The following GON4L variants were observed in gnomAD, a reference collection of about 807,000 sequenced individuals.
GON4L encodes the protein gon-4 like.
GON4L carries 87 observed loss-of-function variants against 211.8 expected under a neutral mutation model. The observed-to-expected ratio is 0.41, with a 90% CI of 0.35 to 0.49. The LOEUF (loss-of-function observed/expected upper bound fraction) is 0.49. Among genes scored for constraint, GON4L ranks in the 20% least tolerant of loss-of-function variants. GON4L has a pLI of 0.15. For missense variants in GON4L, 2,155 were observed against 2,659.5 expected (o/e 0.81, Z 4.17); for synonymous variants, 875 against 962.6 (o/e 0.91, Z 1.68).
chr1:155,753,797 A>G (rs950516729), intron 28 of GON4L, among the ~76,000 whole-genome samples: 1 of 152,038 alleles, frequency 6.6e-6, no homozygotes, highest in Admixed American at 6.5e-5. Context: ...CTATAGCCTC[A>G]GACTCCTGGG....
At chr1:155,801,293 G>A (rs1051842226) in intron 11 of GON4L, among the ~76,000 whole-genome samples, 3 of 151,988 alleles carry the variant, frequency 2.0e-5, no homozygotes, top group Non-Finnish European at 4.4e-5. Context: ...AGGCTGCATA[G>A]TTTTCATCAG....
chr1:155,811,725 C>T (rs1391476562), intron 10 of GON4L, among the ~76,000 whole-genome samples: 2 of 114,362 alleles, frequency 1.7e-5, no homozygotes, highest in Admixed American at 2.6e-4. Context: ...CACTGCACTC[C>T]AGCCTGGGAG....
At chr1:155,809,025 T>G (rs1470488410) in intron 10 of GON4L, among the ~76,000 whole-genome samples, 1 of 152,090 alleles carries the variant, frequency 6.6e-6, no homozygotes, top group African/African-American at 2.4e-5. Context: ...TCAATCCTCC[T>G]GCTTCAGCCA....
chr1:155,845,853 C>G (rs1886618), intron 2 of GON4L: 235,693 of 246,068 alleles, frequency 0.96, 113,793 homozygotes, highest in East Asian at 1. Flanking sequence ...AGTGAAACTG[C>G]AGCAGAGGAA....
intron 2 of GON4L, among the ~76,000 whole-genome samples, chr1:155,828,038 G>A (rs138797921): frequency 1.3e-5 from 2 of 151,980 alleles, no homozygotes; most frequent in East Asian, 3.9e-4. Context: ...CACACCTGTG[G>A]TCCCAGCTAC....
At chr1:155,826,320 T>G (rs985496100) in intron 3 of GON4L, among the ~76,000 whole-genome samples, 2 of 152,008 alleles carry the variant, frequency 1.3e-5, no homozygotes, top group Non-Finnish European at 2.9e-5. Context: ...ATCCCAGCAC[T>G]TTGTGAAGCC....
chr1:155,804,934 C>A lies in GON4L; in HGVS notation c.1645+15G>T, dbSNP rs1225443454. 2 of 1,605,548 alleles carry A rather than the reference C, an allele frequency of 1.2e-6. No homozygotes were observed. The highest frequency in any genetic ancestry group is 1.7e-6 in the Non-Finnish European group (2 of 1,172,346). On this transcript the variant is annotated intron_variant, in intron 11 of 31. Transcript: ENST00000368331. ...AATGGACAGTATACATAATAAATCA[C>A]AAACCAAAACTTACCTTCATTCCCC...
At chr1:155,803,500 C>G (rs1370836461) in intron 11 of GON4L, among the ~76,000 whole-genome samples, 1 of 152,206 alleles carries the variant, frequency 6.6e-6, no homozygotes, top group Non-Finnish European at 1.5e-5. Flanking sequence ...GCCTCGGCCT[C>G]CCAAAGAGCT....
chr1:155,822,138 A>G (rs1016660935), intron 4 of GON4L, 148 bp downstream of exon 4: 1 of 727,468 alleles, frequency 1.4e-6, no homozygotes, highest in Non-Finnish European at 2.5e-6. Flanking sequence ...AGCTATCTTA[A>G]ATATGTAAAA....
intron 15 of GON4L, 74 bp downstream of exon 15, chr1:155,777,548 C>T (rs1455827106): frequency 2.6e-6 from 3 of 1,144,490 alleles, no homozygotes; most frequent in Non-Finnish European, 4.0e-6. Flanking sequence ...CACTGCACTC[C>T]AGGCTGGGAG....
In GON4L at chr1:155,777,812, T is replaced by A. The variant is rs1663983391; in HGVS notation, c.1901A>T (p.Glu634Val). 1 of 1,606,356 alleles carries A rather than the reference T, an allele frequency of 6.2e-7. No homozygotes were observed. Among genetic ancestry groups the A allele is most frequent in the Non-Finnish European group, 8.5e-7 (1 of 1,173,348 alleles). ...FNTPQALRFE[E>V]PLANLLNEQH... ...TTCATTTAACAGGTTGGCCAGTGGT[T>A]CCTCAAACCTATTCCCAACAGGGAG... Residue 634 changes from glutamate (E) to valine (V), a missense_variant, in exon 15 of 32, where the codon GAA becomes GTA. Physicochemically the swap from Glu to Val is moderately radical, Grantham distance 121 (BLOSUM62 -2). Around this residue, in one of 6 missense-constraint regions of GON4L, gnomAD observed 551 missense variants for 854.0 expected, o/e 0.65. Transcript: ENST00000368331.
chr1:155,772,740 C>T lies in GON4L; in HGVS notation c.2495+326G>A, dbSNP rs1349290760. On this transcript the variant is annotated intron_variant, in intron 18 of 31. Transcript: ENST00000368331. Reference sequence around the variant, plus strand: ...GCCTGGGTGACACAGTAAGATTCTGCCTCTAAATAAATAAATAAATAACAT... The same window carrying T: ...GCCTGGGTGACACAGTAAGATTCTGTCTCTAAATAAATAAATAAATAACAT... Among the ~76,000 whole-genome samples the T allele has an allele frequency of 2.0e-5, 3 of 151,848 alleles. No individual in the cohort carries two copies. In the South Asian group the frequency reaches 6.3e-4, roughly 32 times the overall value.
At chr1:155,752,697 G>C in intron 29 of GON4L, 107 bp from the exon 30 acceptor site, 1 of 1,519,290 alleles carries the variant, frequency 6.6e-7, no homozygotes, top group South Asian at 1.2e-5. Flanking sequence ...ATAAAAAAGA[G>C]GGCTGGGCAT....
chr1:155,832,349 C>CCGGG (rs1409708404), intron 2 of GON4L, among the ~76,000 whole-genome samples: 4 of 151,564 alleles, frequency 2.6e-5, no homozygotes, highest in South Asian at 2.1e-4. Context: ...AATGTATTGC[C>CCGGG]CGGCAAGGTG....
chr1:155,767,277 AAAGT>A, intron 20 of GON4L, 144 bp downstream of exon 20: 1 of 1,559,384 alleles, frequency 6.4e-7, no homozygotes, highest in Non-Finnish European at 8.7e-7. Flanking sequence ...GAAGGGCAGA[AAAGT>A]AAGGGAAGAA....
intron 9 of GON4L, 24 bp from the exon 10 acceptor site, chr1:155,813,828 C>CA: frequency 6.2e-7 from 1 of 1,600,802 alleles, no homozygotes; most frequent in East Asian, 2.2e-5. Context: ...GTGACTGCAT[C>CA]AAAAAAGGAA....
rs10656171 is a variant in GON4L at position 155,786,099 on chromosome 1, A to AAACAAC, written c.1748-731_1748-726dup. Among the ~76,000 whole-genome samples, 314 of 148,984 alleles carry AAACAAC rather than the reference A, an allele frequency of 2.1e-3. 1 individual carries two copies. The highest frequency in any genetic ancestry group is 5.0e-3 in the East Asian group (25 of 4,954). ...CAACAGAGCGAGACTCTGTCTCAAAAAACAACAACAACAACAACAACAACA... is the reference window on the plus strand; with the variant it reads ...CAACAGAGCGAGACTCTGTCTCAAAAAACAACAACAACAACAACAACAACAACAACA... On this transcript the variant is annotated intron_variant, in intron 12 of 31. Transcript: ENST00000368331.
At chr1:155,763,831 C>T (rs183861441) in intron 21 of GON4L, among the ~76,000 whole-genome samples, 25 of 152,106 alleles carry the variant, frequency 1.6e-4, no homozygotes, top group African/African-American at 5.5e-4. Flanking sequence ...GATGAAACCA[C>T]GTCTCTACTA....
At chr1:155,801,052 C>A (rs1212761824) in intron 11 of GON4L, among the ~76,000 whole-genome samples, 1 of 149,178 alleles carries the variant, frequency 6.7e-6, no homozygotes, top group African/African-American at 2.5e-5. Context: ...CCACTCGGGT[C>A]CCCTACCACG....
Sources: allele counts gnomAD v4.1 joint callset (sites outside exome capture counted in the v4.1 genomes callset), GRCh38; gene constraint gnomAD v4.1.1; regional missense constraint gnomAD v4.1.1; transcripts MANE v1.5; gene names NCBI Gene and HGNC (gene_info 2026-07-23, HGNC 2026-07-21).